The following EXTL3 variants were observed in gnomAD, a reference collection of about 807,000 sequenced individuals.
The protein encoded by EXTL3 is exostosin-like 3.
EXTL3 carries 27 observed loss-of-function variants against 69.3 expected under a neutral mutation model. The ratio of observed to expected loss-of-function variants is 0.39; its 90% CI spans 0.29 to 0.54. The LOEUF (loss-of-function observed/expected upper bound fraction) is 0.54, where lower values mean the gene tolerates loss of function less well. Ranked by LOEUF, EXTL3 falls within the 20% of genes least tolerant of loss-of-function variation. The pLI is 0.69. For missense variants in EXTL3, 1,003 were observed against 1,231.8 expected (o/e 0.81, Z 2.78); for synonymous variants, 511 against 499.4 (o/e 1.02, Z -0.31).
At chr8:28,726,249 C>T (rs551268327) in intron 3 of EXTL3, among the ~76,000 whole-genome samples, 3 of 152,156 alleles carry the variant, frequency 2.0e-5, no homozygotes, top group Non-Finnish European at 2.9e-5. Context: ...CCACTGCGCC[C>T]GGCCTGCATT....
At chr8:28,700,609 T>C (rs1328493863), upstream of EXTL3, 1 of 152,190 alleles carries the variant, frequency 6.6e-6, no homozygotes, top group East Asian at 1.9e-4. Flanking sequence ...CCTGTGTGTT[T>C]GGGGTTCCCT....
chr8:28,743,353 G>T (rs1309731161), intron 6 of EXTL3, 139 bp downstream of exon 6: 10 of 1,015,612 alleles, frequency 9.8e-6, no homozygotes, highest in Non-Finnish European at 1.5e-5. Flanking sequence ...CTCATCAAAG[G>T]ATTGTCTGTG....
chr8:28,718,606 A>G (rs1272218395), intron 3 of EXTL3, among the ~76,000 whole-genome samples: 1 of 152,204 alleles, frequency 6.6e-6, no homozygotes. Context: ...TCTTCAGCTT[A>G]TTCGTATGGG....
chr8:28,693,536 G>A (rs1800647387), intron 1 of EXTL3, among the ~76,000 whole-genome samples: 1 of 152,180 alleles, frequency 6.6e-6, no homozygotes, highest in Non-Finnish European at 1.5e-5. Context: ...TGGCAAGGCA[G>A]AGAATACTAT....
At chr8:28,634,722 G>A (rs1806625053) in intron 1 of EXTL3, among the ~76,000 whole-genome samples, 1 of 152,004 alleles carries the variant, frequency 6.6e-6, no homozygotes, top group Non-Finnish European at 1.5e-5. Context: ...AGCCTCTGGA[G>A]TAGCTGGGAT....
At chr8:28,723,228 G>C (rs1288583244) in intron 3 of EXTL3, among the ~76,000 whole-genome samples, 1 of 152,300 alleles carries the variant, frequency 6.6e-6, no homozygotes, top group African/African-American at 2.4e-5. Context: ...ACCTTGTCCA[G>C]CTTCTCCAGG....
upstream of EXTL3, among the ~76,000 whole-genome samples, chr8:28,699,010 CAAAA>C (rs1450921967): frequency 2.6e-5 from 4 of 151,206 alleles, no homozygotes; most frequent in Non-Finnish European, 2.9e-5. Flanking sequence ...AAAACAAAAA[CAAAA>C]AACAAAAATT....
rs1195183100 is a variant in EXTL3 at position 28,747,804 on chromosome 8, C to T, written c.2551-2853C>T. 2.0e-5 allele frequency among the ~76,000 whole-genome samples: 3 copies of T among 149,392 alleles called. No individual in the cohort carries two copies. In the East Asian group the frequency reaches 5.9e-4, roughly 29 times the overall value. On this transcript the variant is annotated intron_variant, in intron 6 of 6. Coordinates refer to ENST00000220562, the MANE Select transcript of EXTL3 (RefSeq NM_001440.4). ...AGTGCAGTGGCACGATCTCAGGTCACTGCAACCTCTGCCTCCCGGGTTCAA... is the reference window on the plus strand; with the variant it reads ...AGTGCAGTGGCACGATCTCAGGTCATTGCAACCTCTGCCTCCCGGGTTCAA...
chr8:28,674,965 C>T (rs1336418450), intron 1 of EXTL3, among the ~76,000 whole-genome samples: 23 of 152,180 alleles, frequency 1.5e-4, no homozygotes, highest in Admixed American at 1.5e-3. Flanking sequence ...CCCACCACTC[C>T]TCTTTGTTAG....
intron 4 of EXTL3, among the ~76,000 whole-genome samples, chr8:28,734,695 T>G (rs929702843): frequency 1.3e-5 from 2 of 152,098 alleles, no homozygotes; most frequent in Admixed American, 1.3e-4. Flanking sequence ...GCAACAGAGC[T>G]AAAACAAAAC....
chr8:28,648,437 A>C (rs1211161167), intron 1 of EXTL3, among the ~76,000 whole-genome samples: 2 of 152,196 alleles, frequency 1.3e-5, no homozygotes, highest in Non-Finnish European at 1.5e-5. Flanking sequence ...GTCCTGCACA[A>C]ATTTTAAAAA....
intron 1 of EXTL3, among the ~76,000 whole-genome samples, chr8:28,662,783 G>A (rs908540880): frequency 2.8e-4 from 43 of 152,196 alleles, no homozygotes; most frequent in Admixed American, 2.8e-3. Context: ...GTGGTGGCAC[G>A]TGCCTGTGGT....
intron 1 of EXTL3, among the ~76,000 whole-genome samples, chr8:28,631,143 C>CTT (rs10659135): frequency 0.044 from 6,302 of 144,766 alleles, 389 homozygotes; most frequent in African/African-American, 0.13. Flanking sequence ...TTAGAGAGGA[C>CTT]TTTTTTTTTT....
In EXTL3 at chr8:28,665,812, A is replaced by G. The variant is rs564947252; in HGVS notation, c.-53+43002A>G. Among the ~76,000 whole-genome samples, 20 of 151,864 alleles carry G rather than the reference A, an allele frequency of 1.3e-4. No homozygotes were observed. In the South Asian group the frequency reaches 4.2e-3, roughly 32 times the overall value. Reference sequence around the variant, plus strand: ...AGTACGCTTTTTTATTCTTTTCTGGATAGGTTTTCTATGTTTAGCTGGAGG... The same window carrying G: ...AGTACGCTTTTTTATTCTTTTCTGGGTAGGTTTTCTATGTTTAGCTGGAGG... On this transcript the variant is annotated intron_variant, in intron 1 of 6. Coordinates refer to the EXTL3 transcript ENST00000523149.
At chr8:28,729,016 C>A (rs748224189) in intron 3 of EXTL3, among the ~76,000 whole-genome samples, 1 of 152,048 alleles carries the variant, frequency 6.6e-6, no homozygotes, top group Non-Finnish European at 1.5e-5. Context: ...CATTTTCAGG[C>A]CAGGTGTGGT....
chr8:28,651,903 A>T (rs904997598), intron 1 of EXTL3, among the ~76,000 whole-genome samples: 4 of 152,078 alleles, frequency 2.6e-5, no homozygotes, highest in African/African-American at 9.7e-5. Context: ...GTCTCTTCCT[A>T]TATGTGGAAT....
chr8:28,716,216 A>C lies in EXTL3; in HGVS notation c.157A>C (p.Thr53Pro). The change falls in exon 3 of 7, where the codon ACT becomes CCT. Residue 53 changes from threonine to proline, a missense_variant. Coordinates refer to ENST00000220562, the MANE Select transcript of EXTL3 (RefSeq NM_001440.4). This position sits in a 1 kb window ranked among gnomAD's most constrained non-coding sequence, Gnocchi z 7.1. ...FPLIAHYYLTTLDEADEAGKR... is the reference protein window; with the variant it reads ...FPLIAHYYLTPLDEADEAGKR... ...GCTCATCGCCCACTATTACCTCACC[A>C]CTCTGGATGAGGCTGATGAGGCAGG... The C allele has an allele frequency of 6.2e-7, 1 of 1,613,732 alleles. No individual in the cohort carries two copies. Among genetic ancestry groups the C allele is most frequent in the Non-Finnish European group, 8.5e-7 (1 of 1,179,940 alleles).
At chr8:28,685,447 C>CT (rs772434265) in intron 1 of EXTL3, among the ~76,000 whole-genome samples, 4 of 151,180 alleles carry the variant, frequency 2.6e-5, no homozygotes, top group Admixed American at 6.6e-5. Flanking sequence ...TCTGCCCTTG[C>CT]TTTTTTTGAC....
chr8:28,678,817 C>G (rs1807432403), intron 1 of EXTL3, among the ~76,000 whole-genome samples: 1 of 152,156 alleles, frequency 6.6e-6, no homozygotes, highest in Non-Finnish European at 1.5e-5. Flanking sequence ...CCTATATGTT[C>G]CAACTGTTTG....
Sources: gnomAD v4.1 joint callset for allele counts (sites outside exome capture counted in the v4.1 genomes callset) on GRCh38, gnomAD v4.1.1 for gene constraint, Gnocchi (gnomAD v3.1) non-coding constraint, MANE v1.5 for transcripts, NCBI Gene and HGNC (gene_info 2026-07-23, HGNC 2026-07-21) for gene names.